Variants in EPS8 observed in about 807,000 individuals in gnomAD.
The protein encoded by EPS8 is epidermal growth factor receptor kinase substrate 8.
A neutral mutation model predicts 103.8 loss-of-function variants in EPS8; 42 were observed. That is an observed-to-expected ratio of 0.40 (90% CI 0.32 to 0.52). EPS8 has a LOEUF of 0.52. Among genes scored for constraint, EPS8 ranks in the 20% least tolerant of loss-of-function variants. The probability of loss-of-function intolerance (pLI) is 0.40; values close to 1 mark genes in which losing one functional copy is unlikely to be tolerated. For missense variants in EPS8, 969 were observed against 1,005.1 expected, an observed-to-expected ratio of 0.96 and a Z score of 0.49; for synonymous variants, 344 against 344.6, an observed-to-expected ratio of 1.00 and a Z score of 0.02.
intron 1 of EPS8, among the ~76,000 whole-genome samples, chr12:15,786,388 A>G (rs1947310773): frequency 6.6e-6 from 1 of 152,124 alleles, no homozygotes; most frequent in South Asian, 2.1e-4. Flanking sequence ...AAGTCTAACA[A>G]ACTGTCACAG....
At chr12:15,746,176 C>T (rs536209214) in intron 1 of EPS8, among the ~76,000 whole-genome samples, 1 of 152,264 alleles carries the variant, frequency 6.6e-6, no homozygotes, top group East Asian at 1.9e-4. Flanking sequence ...CAGGGGGAGA[C>T]TTCCTAGAAC....
At chr12:15,644,134 T>C (rs542440643) in intron 15 of EPS8, among the ~76,000 whole-genome samples, 1 of 152,310 alleles carries the variant, frequency 6.6e-6, no homozygotes, top group African/African-American at 2.4e-5. Flanking sequence ...GGAGTATGCT[T>C]CTGTAACAAT....
chr12:15,671,241 T>C (rs988299610), intron 3 of EPS8, among the ~76,000 whole-genome samples: 2 of 152,130 alleles, frequency 1.3e-5, no homozygotes, highest in African/African-American at 2.4e-5. Flanking sequence ...GGACCTACTG[T>C]TTGACAAGTC....
intron 3 of EPS8, among the ~76,000 whole-genome samples, chr12:15,676,080 G>C (rs1945900363): frequency 6.6e-6 from 1 of 151,876 alleles, no homozygotes; most frequent in South Asian, 2.1e-4. Context: ...AGACCATCCT[G>C]GCTAACACGG....
Position 15,636,014 on chromosome 12 carries a change from A to G in EPS8, c.1822-4350T>C, listed in dbSNP as rs1427015454. Among the ~76,000 whole-genome samples the G allele has an allele frequency of 2.0e-5, 3 of 152,204 alleles. No individual in the cohort carries two copies. The East Asian group carries it at 5.8e-4, about 29-fold the overall frequency. On this transcript the variant is annotated intron_variant, in intron 17 of 20. Coordinates refer to ENST00000281172, the MANE Select transcript of EPS8 (RefSeq NM_004447.6). ...GACTTCTTTAGTCAGTCCATTGGATATATAATAAATAACATCACGGGAGGA... is the reference window on the plus strand; with the variant it reads ...GACTTCTTTAGTCAGTCCATTGGATGTATAATAAATAACATCACGGGAGGA...
intron 1 of EPS8, among the ~76,000 whole-genome samples, chr12:15,770,706 G>T (rs1407363291): frequency 2.0e-5 from 3 of 152,188 alleles, no homozygotes; most frequent in Non-Finnish European, 2.9e-5. Context: ...AGGCATGTTT[G>T]CCAGAAGGGT....
Position 15,771,077 on chromosome 12 carries a change from G to A in EPS8, c.-22+18084C>T, listed in dbSNP as rs1947149287. On this transcript the variant is annotated intron_variant, in intron 1 of 20. Transcript: ENST00000281172. The surrounding 1 kb of genome is among the most constrained non-coding windows in gnomAD (Gnocchi z 4.6). Reference sequence around the variant, plus strand: ...AGAAAATAAGTGCCTAGGCGATCCTGAGAAAAAAAATATTAAGTGGGAGAG... The same window carrying A: ...AGAAAATAAGTGCCTAGGCGATCCTAAGAAAAAAAATATTAAGTGGGAGAG... 6.6e-6 allele frequency among the ~76,000 whole-genome samples: 1 copy of A among 151,826 alleles called. No individual in the cohort carries two copies. The highest frequency in any genetic ancestry group is 2.4e-5 in the African/African-American group (1 of 41,334).
chr12:15,730,867 T>C (rs984016537), intron 1 of EPS8, among the ~76,000 whole-genome samples: 7 of 151,908 alleles, frequency 4.6e-5, no homozygotes, highest in Admixed American at 6.6e-5. Flanking sequence ...CAGAAAATAA[T>C]TGCATCTCCC....
chr12:15,679,307 T>C (rs1338331728), intron 3 of EPS8, among the ~76,000 whole-genome samples: 3 of 152,204 alleles, frequency 2.0e-5, no homozygotes, highest in Non-Finnish European at 2.9e-5. Flanking sequence ...CTAAATTCCT[T>C]AGTATAATTC....
Position 15,658,499 on chromosome 12 carries a change from G to A in EPS8, c.1024C>T (p.Leu342=), listed in dbSNP as rs1945547087. Residue 342 remains leucine (L), a splice_region_variant and synonymous_variant, in exon 11 of 21, where the codon CTG becomes TTG. Coordinates refer to ENST00000281172, the MANE Select transcript of EPS8 (RefSeq NM_004447.6). ...FQKFKHGFNL[L]AKLKSHIQNP... ...CTATATACATAAATTTCACTTACCA[G>A]AAGGTTAAATCCGTGTTTAAACTTT... 3 of 1,591,472 alleles carry A rather than the reference G, an allele frequency of 1.9e-6. No homozygotes were observed. The South Asian group carries it at 3.3e-5, about 18-fold the overall frequency.
chr12:15,761,737 G>A lies in EPS8; in HGVS notation c.-22+27424C>T, dbSNP rs1947043927. 6.6e-6 allele frequency among the ~76,000 whole-genome samples: 1 copy of A among 152,076 alleles called. No homozygotes were observed. Among genetic ancestry groups the A allele is most frequent in the Non-Finnish European group, 1.5e-5 (1 of 67,996 alleles). On this transcript the variant is annotated intron_variant, in intron 1 of 20. Coordinates refer to ENST00000281172, the MANE Select transcript of EPS8 (RefSeq NM_004447.6). The surrounding 1 kb of genome is among the most constrained non-coding windows in gnomAD (Gnocchi z 4.5). Reference sequence around the variant, plus strand: ...TGGGAAAACTGGATATCCATATCCAGAAGAAGGAAACTAGACCCCTATCTC... The same window carrying A: ...TGGGAAAACTGGATATCCATATCCAAAAGAAGGAAACTAGACCCCTATCTC...
Position 15,713,222 on chromosome 12 carries a change from T to TA in EPS8, c.-21-30251dup, listed in dbSNP as rs1946490660. 1 of 153,436 alleles carries TA rather than the reference T, an allele frequency of 6.5e-6. No individual in the cohort carries two copies. Among genetic ancestry groups the TA allele is most frequent in the Non-Finnish European group, 1.4e-5 (1 of 69,216 alleles). 9.5% of individuals were successfully genotyped at this position (153,436 alleles called of 1,614,324 possible). A position where few individuals can be genotyped will look rare whatever the true frequency, so the allele number is the denominator to read the frequency against. On this transcript the variant is annotated intron_variant, in intron 1 of 20. Transcript: ENST00000281172. The surrounding 1 kb of genome is among the most constrained non-coding windows in gnomAD (Gnocchi z 4.8). ...ACAGACACCATTATTACTCCCATTTTAGAGAGGTAGAATCTGAGAAACGGT... is the reference window on the plus strand; with the variant it reads ...ACAGACACCATTATTACTCCCATTTTAAGAGAGGTAGAATCTGAGAAACGGT...
Position 15,771,915 on chromosome 12 carries a change from G to T in EPS8, c.-22+17246C>A, listed in dbSNP as rs762934277. Among the ~76,000 whole-genome samples, 1 of 149,476 alleles carries T rather than the reference G, an allele frequency of 6.7e-6. No individual in the cohort carries two copies. The highest frequency in any genetic ancestry group is 2.1e-4 in the South Asian group (1 of 4,788). ...CGAGGTGGGTGGATCACGAGGTCAG[G>T]AGATCGAGACCATCCTGGCTAATGC... On this transcript the variant is annotated intron_variant, in intron 1 of 20. Transcript: ENST00000281172. This position sits in a 1 kb window ranked among gnomAD's most constrained non-coding sequence, Gnocchi z 4.6.
intron 3 of EPS8, among the ~76,000 whole-genome samples, chr12:15,672,967 T>C (rs7486849): frequency 0.15 from 23,406 of 152,188 alleles, 2,273 homozygotes; most frequent in Admixed American, 0.24. Flanking sequence ...TATTGGCAAA[T>C]ACAACAGTTG....
At chr12:15,652,469 A>G (rs1431287938) in intron 13 of EPS8, among the ~76,000 whole-genome samples, 1 of 152,166 alleles carries the variant, frequency 6.6e-6, no homozygotes, top group Non-Finnish European at 1.5e-5. Flanking sequence ...ATAAATATTT[A>G]AGATATTTAA....
Position 15,767,759 on chromosome 12 carries a change from A to G in EPS8, c.-22+21402T>C, listed in dbSNP as rs777605096. On this transcript the variant is annotated intron_variant, in intron 1 of 20. Coordinates refer to ENST00000281172, the MANE Select transcript of EPS8 (RefSeq NM_004447.6). The surrounding 1 kb of genome is among the most constrained non-coding windows in gnomAD (Gnocchi z 5.5). ...GGTGGCAACAGCTCTCCTTCCAGGA[A>G]TACCTGTCAAAATACTCATTTGTCA... 6.6e-6 allele frequency among the ~76,000 whole-genome samples: 1 copy of G among 152,266 alleles called. No homozygotes were observed. The highest frequency in any genetic ancestry group is 1.5e-5 in the Non-Finnish European group (1 of 68,046).
chr12:15,758,057 C>T (rs1406741616), intron 1 of EPS8, among the ~76,000 whole-genome samples: 1 of 152,190 alleles, frequency 6.6e-6, no homozygotes, highest in Non-Finnish European at 1.5e-5. Flanking sequence ...GGCTTCCTCA[C>T]AGTGTGATGA....
rs1233171302 is a variant in EPS8 at position 15,764,029 on chromosome 12, T to G, written c.-22+25132A>C. Among the ~76,000 whole-genome samples the G allele has an allele frequency of 6.6e-6, 1 of 152,178 alleles. No individual in the cohort carries two copies. The highest frequency in any genetic ancestry group is 2.4e-5 in the African/African-American group (1 of 41,438). On this transcript the variant is annotated intron_variant, in intron 1 of 20. Transcript: ENST00000281172. This position sits in a 1 kb window ranked among gnomAD's most constrained non-coding sequence, Gnocchi z 4.1. ...TATATTCTCACACTAATAATAGACA[T>G]ACCTGAGACTAATTTATAAAGGAAA...
chr12:15,640,599 C>T, intron 17 of EPS8, 104 bp downstream of exon 17: 1 of 1,012,592 alleles, frequency 9.9e-7, no homozygotes, highest in African/African-American at 1.6e-5. Context: ...ATATAACCAA[C>T]TACATCTCAA....
Sources: gnomAD v4.1 joint callset for allele counts (sites outside exome capture counted in the v4.1 genomes callset) on GRCh38, gnomAD v4.1.1 for gene constraint, Gnocchi (gnomAD v3.1) non-coding constraint, MANE v1.5 for transcripts, NCBI Gene and HGNC (gene_info 2026-07-23, HGNC 2026-07-21) for gene names.